Variants in LTA4H observed in about 807,000 individuals in gnomAD.
LTA4H encodes the protein leukotriene A-4 hydrolase.
In LTA4H, 59 loss-of-function variants were observed where a neutral mutation model predicts 89.8. The ratio of observed to expected loss-of-function variants is 0.66; its 90% CI spans 0.53 to 0.82. The LOEUF is 0.82. Among genes scored for constraint, LTA4H ranks in the 40% least tolerant of loss-of-function variants. The pLI is 0.00. For missense variants in LTA4H, 617 were observed against 727.0 expected (o/e 0.85, Z 1.74); for synonymous variants, 227 against 253.1 (o/e 0.90, Z 0.98).
At chr12:96,005,992 C>T (rs887992043) in intron 16 of LTA4H, among the ~76,000 whole-genome samples, 4 of 152,118 alleles carry the variant, frequency 2.6e-5, no homozygotes, top group African/African-American at 4.8e-5. Context: ...AAGTGATCTG[C>T]TTGCCTCGGC....
In LTA4H at chr12:96,003,844, C is replaced by T. The variant is rs747344992; in HGVS notation, c.1607G>A (p.Arg536Gln). The part of the protein sequence containing the change: ...NFNAINNSEI[R>Q]FRWLRLCIQS... The stretch of plus-strand genomic sequence containing the variant: ...ACAAGTTAAAATGATGTACCTGAAT[C>T]GTATTTCAGAATTGTTAATGGCATT... The change falls in exon 17 of 19, where the codon CGA becomes CAA. Residue 536 changes from arginine (R) to glutamine (Q), a missense_variant. Physicochemically the swap from Arg to Gln is conservative, Grantham distance 43. Transcript: ENST00000228740. The T allele has an allele frequency of 8.1e-6, 13 of 1,603,908 alleles. No homozygotes were observed. The highest frequency in any genetic ancestry group is 6.7e-5 in the South Asian group (6 of 89,872).
chr12:96,013,960 A>G (rs1950341343), intron 12 of LTA4H, 107 bp from the exon 13 acceptor site: 1 of 590,364 alleles, frequency 1.7e-6, no homozygotes, highest in African/African-American at 1.9e-5. Flanking sequence ...GAGAACATTC[A>G]GAGAATAGGG....
intron 1 of LTA4H, among the ~76,000 whole-genome samples, chr12:96,042,663 G>A (rs1950696847): frequency 6.6e-6 from 1 of 152,130 alleles, no homozygotes. Flanking sequence ...TAGCTTAGAA[G>A]GTATATAAGC....
intron 15 of LTA4H, among the ~76,000 whole-genome samples, chr12:96,006,991 A>G (rs1170891232): frequency 6.6e-6 from 1 of 152,194 alleles, no homozygotes; most frequent in Non-Finnish European, 1.5e-5. Flanking sequence ...GGATTTTTAA[A>G]TCTTTTAGAA....
chr12:96,015,041 T>C (rs1264480743), intron 11 of LTA4H, 42 bp from the exon 12 acceptor site: 1 of 1,580,436 alleles, frequency 6.3e-7, no homozygotes, highest in African/African-American at 1.4e-5. Flanking sequence ...ATAGAAAGAC[T>C]GCTATCACCA....
At position 96,013,789 on chromosome 12, in the gene LTA4H, A is replaced by C. The variant is rs770289272; in HGVS notation, c.1269T>G (p.Asp423Glu). The C allele has an allele frequency of 5.0e-6, 8 of 1,588,960 alleles. No individual in the cohort carries two copies. The African/African-American group carries it at 9.5e-5, about 19-fold the overall frequency. The change falls in exon 13 of 19, where the codon GAT becomes GAG. Residue 423 changes from aspartate to glutamate, a missense_variant. Transcript: ENST00000228740. Reference sequence around the variant, plus strand: ...AGGAATACAGGAAATCCTTCCAGTCATCAGTAGTTATGCTCTTATAGGAAA... The same window carrying C: ...AGGAATACAGGAAATCCTTCCAGTCCTCAGTAGTTATGCTCTTATAGGAAA... ...EKFSYKSITT[D>E]DWKDFLYSYF...
intron 17 of LTA4H, among the ~76,000 whole-genome samples, chr12:96,003,326 T>A (rs1253984965): frequency 6.6e-6 from 1 of 152,198 alleles, no homozygotes; most frequent in Non-Finnish European, 1.5e-5. Context: ...GGTGCTCACA[T>A]ACCTTATAAA....
At chr12:96,016,345 T>A (rs1374864811) in intron 10 of LTA4H, among the ~76,000 whole-genome samples, 1 of 145,728 alleles carries the variant, frequency 6.9e-6, no homozygotes, top group African/African-American at 2.6e-5. Flanking sequence ...GCGTGGCGGC[T>A]TATGCCTATA....
At chr12:96,003,366 T>G (rs1307404081) in intron 17 of LTA4H, among the ~76,000 whole-genome samples, 1 of 152,186 alleles carries the variant, frequency 6.6e-6, no homozygotes, top group Non-Finnish European at 1.5e-5. Flanking sequence ...AAACTTTGGT[T>G]TAAGCCTCAC....
Position 96,001,050 on chromosome 12 carries a change from T to C in LTA4H, c.1775A>G (p.His592Arg). The C allele has an allele frequency of 6.2e-7, 1 of 1,614,164 alleles. No individual in the cohort carries two copies. Residue 592 changes from histidine (H) to arginine (R), a missense_variant, in exon 19 of 19, where the codon CAC becomes CGC. His to Arg is a conservative substitution (Grantham distance 29). Transcript: ENST00000228740. ...HDQAVRTYQE[H>R]KASMHPVTAM... ...AGTCACGGGATGCATGCTTGCTTTGTGCTCTTGGTAGGTTCGGACAGCTTG... is the reference window on the plus strand; with the variant it reads ...AGTCACGGGATGCATGCTTGCTTTGCGCTCTTGGTAGGTTCGGACAGCTTG...
intron 4 of LTA4H, among the ~76,000 whole-genome samples, chr12:96,023,018 T>C (rs981997929): frequency 6.6e-6 from 1 of 152,214 alleles, no homozygotes; most frequent in Non-Finnish European, 1.5e-5. Context: ...AAAAGACCCT[T>C]ATGCGGCAAA....
At chr12:96,002,844 T>C (rs1950127113) in intron 18 of LTA4H, 116 bp downstream of exon 18, 1 of 677,420 alleles carries the variant, frequency 1.5e-6, no homozygotes, top group Non-Finnish European at 2.5e-6. Flanking sequence ...TCCAAAATTA[T>C]ACTGATAAAC....
At chr12:96,014,700 A>G (rs950868570) in intron 12 of LTA4H, among the ~76,000 whole-genome samples, 155 bp downstream of exon 12, 1 of 152,254 alleles carries the variant, frequency 6.6e-6, no homozygotes, top group Non-Finnish European at 1.5e-5. Flanking sequence ...TTTTAAGTTG[A>G]GAGGTAACTC....
At chr12:96,002,855 T>C (rs919940239) in intron 18 of LTA4H, 105 bp downstream of exon 18, 46 of 748,018 alleles carry the variant, frequency 6.1e-5, no homozygotes, top group Non-Finnish European at 7.9e-5. Flanking sequence ...ACTGATAAAC[T>C]TTAACAAATT....
chr12:96,041,922 T>A (rs934602052), intron 1 of LTA4H, among the ~76,000 whole-genome samples: 1 of 151,986 alleles, frequency 6.6e-6, no homozygotes, highest in Non-Finnish European at 1.5e-5. Flanking sequence ...ATTACAGGCG[T>A]GAGCCACCGC....
rs1423290460 is a variant in LTA4H at position 96,032,297 on chromosome 12, C to T, written c.159+3064G>A. Among the ~76,000 whole-genome samples the T allele has an allele frequency of 5.9e-5, 9 of 152,170 alleles. No homozygotes were observed. In the East Asian group the frequency reaches 7.7e-4, roughly 13 times the overall value. ...TCCTCAACATCACAAACTCTAAGAA[C>T]GGAGAGGAAAAGAAGACATGACGTC... On this transcript the variant is annotated intron_variant, in intron 1 of 18. Coordinates refer to ENST00000228740, the MANE Select transcript of LTA4H (RefSeq NM_000895.3).
intron 15 of LTA4H, among the ~76,000 whole-genome samples, chr12:96,006,999 G>C (rs1467685276): frequency 6.6e-6 from 1 of 152,044 alleles, no homozygotes; most frequent in Non-Finnish European, 1.5e-5. Flanking sequence ...AAATCTTTTA[G>C]AACTACTTTT....
upstream of LTA4H, among the ~76,000 whole-genome samples, chr12:96,038,421 GC>G (rs1189880809): frequency 6.6e-6 from 1 of 152,062 alleles, no homozygotes; most frequent in African/African-American, 2.4e-5. Context: ...ATGTCCTGTT[GC>G]CCAGGCTGGA....
rs958147148 is a variant in LTA4H, at chr12:96,022,999, T to C, written c.481-748A>G. 6.6e-6 allele frequency among the ~76,000 whole-genome samples: 1 copy of C among 152,198 alleles called. No individual in the cohort carries two copies. Among genetic ancestry groups the C allele is most frequent in the African/African-American group, 2.4e-5 (1 of 41,444 alleles). ...ACTGTCAAATAATTTTCTCTGGAAA[T>C]CCATACGGAAAAGACCCTTATGCGG... On this transcript the variant is annotated intron_variant, in intron 4 of 18. Coordinates refer to ENST00000228740, the MANE Select transcript of LTA4H (RefSeq NM_000895.3). The surrounding 1 kb of genome is among the most constrained non-coding windows in gnomAD (Gnocchi z 4.0).
Sources: allele counts gnomAD v4.1 joint callset (sites outside exome capture counted in the v4.1 genomes callset), GRCh38; gene constraint gnomAD v4.1.1; non-coding constraint Gnocchi (gnomAD v3.1); transcripts MANE v1.5; gene names NCBI Gene and HGNC (gene_info 2026-07-23, HGNC 2026-07-21).